Variants in C2CD2L observed in about 807,000 individuals in gnomAD.
The protein encoded by C2CD2L is phospholipid transfer protein C2CD2L.
C2CD2L carries 24 observed loss-of-function variants against 69.9 expected under a neutral mutation model. The observed-to-expected ratio is 0.34, with a 90% CI of 0.25 to 0.48. The LOEUF (loss-of-function observed/expected upper bound fraction) is 0.48, where lower values mean the gene tolerates loss of function less well. C2CD2L is among the 20% of genes least tolerant of loss of function. The pLI is 0.99. For missense variants in C2CD2L, 811 were observed against 941.5 expected, an observed-to-expected ratio of 0.86 and a Z score of 1.81; for synonymous variants, 367 against 391.0, an observed-to-expected ratio of 0.94 and a Z score of 0.72.
At position 119,107,660 on chromosome 11, in the gene C2CD2L, TCCCCGCGGCCCGCCCGGGCCATGCTC is replaced by T; in HGVS notation, c.-76_-51del. 2.3e-6 allele frequency: 2 copies of T among 883,576 alleles called. No homozygotes were observed. The highest frequency in any genetic ancestry group is 3.1e-6 in the Non-Finnish European group (2 of 644,846). 54.7% of individuals were successfully genotyped at this position (883,576 alleles called of 1,614,324 possible). On this transcript the variant is annotated 5_prime_UTR_variant, in exon 1 of 14. It removes an upstream start codon present in the reference 5' UTR. Coordinates refer to ENST00000648610, the MANE Select transcript of C2CD2L (RefSeq NM_001290474.2). The surrounding 1 kb of genome is among the most constrained non-coding windows in gnomAD (Gnocchi z 5.4). ...CCCAGCCCCGGGGGAGCCCACCTCC[TCCCCGCGGCCCGCCCGGGCCATGCTC>T]CCCCGGGGCAGCGGGTGAGCCCCAG...
intron 10 of C2CD2L, 193 bp downstream of exon 10, chr11:119,113,067 A>C: frequency 1.7e-6 from 1 of 604,954 alleles, no homozygotes; most frequent in Non-Finnish European, 2.9e-6. Context: ...CCATTTCCCC[A>C]GCAATTCCTC....
chr11:119,110,970 A>T lies in C2CD2L; in HGVS notation c.681+13A>T. 6.2e-7 allele frequency: 1 copy of T among 1,613,988 alleles called. No homozygotes were observed. The highest frequency in any genetic ancestry group is 8.5e-7 in the Non-Finnish European group (1 of 1,179,886). ...TCAGGCCAGGGAGGTAAGGAGGCAG[A>T]GCTGGCAGAGAAGAGGCAGAACGGG... On this transcript the variant is annotated intron_variant, in intron 4 of 13. Transcript: ENST00000648610. The surrounding 1 kb of genome is among the most constrained non-coding windows in gnomAD (Gnocchi z 5.7).
chr11:119,102,274 A>G (rs1186163310), upstream of C2CD2L: 1 of 477,606 alleles, frequency 2.1e-6, no homozygotes, highest in East Asian at 6.9e-5. Flanking sequence ...CGGCTCCAGG[A>G]AGATGGCTAT....
In C2CD2L at chr11:119,107,769, G is replaced by T. The variant is rs201351725; in HGVS notation, c.28G>T (p.Val10Leu). The change falls in exon 1 of 14, where the codon GTG (valine) becomes TTG (leucine). Residue 10 changes from valine (V) to leucine (L), a missense_variant. Transcript: ENST00000648610. The surrounding 1 kb of genome is among the most constrained non-coding windows in gnomAD (Gnocchi z 5.4). MDPGWGQRDVGWAALLILFA... is the reference protein window; with the variant it reads MDPGWGQRDLGWAALLILFA... ...GGATCCGGGCTGGGGGCAGCGGGAC[G>T]TGGGCTGGGCGGCCTTGCTGATCCT... The T allele has an allele frequency of 3.4e-5, 52 of 1,540,152 alleles. No homozygotes were observed. The African/African-American group carries it at 6.3e-4, about 19-fold the overall frequency.
At position 119,110,422 on chromosome 11, in the gene C2CD2L, CT is replaced by C; in HGVS notation, c.451-135del. ...AGGAGTCTTTGGCATTTATCTGATTCTTTTAGGGATTTATGATCCTGAAAAC... is the reference window on the plus strand; with the variant it reads ...AGGAGTCTTTGGCATTTATCTGATTCTTTAGGGATTTATGATCCTGAAAAC... On this transcript the variant is annotated intron_variant, in intron 2 of 13. Transcript: ENST00000648610. This position sits in a 1 kb window ranked among gnomAD's most constrained non-coding sequence, Gnocchi z 5.7. The C allele has an allele frequency of 9.5e-7, 1 of 1,056,866 alleles. No individual in the cohort carries two copies. The highest frequency in any genetic ancestry group is 1.3e-6 in the Non-Finnish European group (1 of 750,542). 65.5% of individuals were successfully genotyped at this position (1,056,866 alleles called of 1,614,324 possible).
In C2CD2L at chr11:119,112,464, T is replaced by C; in HGVS notation, c.1085-18T>C. 2 of 1,613,848 alleles carry C rather than the reference T, an allele frequency of 1.2e-6. No individual in the cohort carries two copies. Among genetic ancestry groups the C allele is most frequent in the Non-Finnish European group, 1.7e-6 (2 of 1,179,874 alleles). ...GTCTGGCCATGGGCCCAGCTCACAGTGCCATCCCTTTCCCCAGCCGAACTC... is the reference window on the plus strand; with the variant it reads ...GTCTGGCCATGGGCCCAGCTCACAGCGCCATCCCTTTCCCCAGCCGAACTC... On this transcript the variant is annotated intron_variant, in intron 8 of 13. Transcript: ENST00000648610.
chr11:119,116,244 C>G lies in C2CD2L; in HGVS notation c.2109C>G (p.Ser703Arg). ...AACCCAAGGCCAATGGTAACCCCAG[C>G]CCCCAGCTCTGAGGACCCAGCTCTG... ...KSKPKANGNPSPQL is the reference protein window; with the variant it reads ...KSKPKANGNPRPQL Residue 703 changes from serine to arginine, a missense_variant, in exon 14 of 14, where the codon AGC becomes AGG. By Grantham distance (110) the Ser-to-Arg change is moderately radical. Transcript: ENST00000648610. 3 of 1,613,392 alleles carry G rather than the reference C, an allele frequency of 1.9e-6. No homozygotes were observed. The highest frequency in any genetic ancestry group is 2.5e-6 in the Non-Finnish European group (3 of 1,179,310).
At position 119,110,012 on chromosome 11, in the gene C2CD2L, C is replaced by T. The variant is rs1001327979; in HGVS notation, c.355-92C>T. Reference sequence around the variant, plus strand: ...GAAGCCAGCCTGCAGCTGAGGCCTCCGCAGTGGCAGAGTCCAGCCAGCAAC... The same window carrying T: ...GAAGCCAGCCTGCAGCTGAGGCCTCTGCAGTGGCAGAGTCCAGCCAGCAAC... On this transcript the variant is annotated intron_variant, in intron 1 of 13. Coordinates refer to ENST00000648610, the MANE Select transcript of C2CD2L (RefSeq NM_001290474.2). The surrounding 1 kb of genome is among the most constrained non-coding windows in gnomAD (Gnocchi z 5.7). 29 of 907,150 alleles carry T rather than the reference C, an allele frequency of 3.2e-5. No individual in the cohort carries two copies. In the Admixed American group the frequency reaches 3.7e-4, roughly 11 times the overall value. The allele number at this position is 907,150 out of a possible 1,614,324, so 56.2% of individuals were successfully genotyped here. A position where few individuals can be genotyped will look rare whatever the true frequency, so the allele number is the denominator to read the frequency against.
chr11:119,114,434 G>C lies in C2CD2L; in HGVS notation c.1909+69G>C. The C allele has an allele frequency of 1.4e-6, 2 of 1,481,154 alleles. No homozygotes were observed. Among genetic ancestry groups the C allele is most frequent in the South Asian group, 2.4e-5 (2 of 81,966 alleles). 91.8% of individuals were successfully genotyped at this position (1,481,154 alleles called of 1,614,324 possible). ...CACATATCATGACCTGGGGGACCTCGAGCCAGTGTGCCTTCTCCTTCCTCC... is the reference window on the plus strand; with the variant it reads ...CACATATCATGACCTGGGGGACCTCCAGCCAGTGTGCCTTCTCCTTCCTCC... On this transcript the variant is annotated intron_variant, in intron 13 of 13. Coordinates refer to ENST00000648610, the MANE Select transcript of C2CD2L (RefSeq NM_001290474.2). This position sits in a 1 kb window ranked among gnomAD's most constrained non-coding sequence, Gnocchi z 5.1.
At chr11:119,113,250 C>T (rs1946797140) in intron 10 of C2CD2L, 1 of 389,350 alleles carries the variant, frequency 2.6e-6, no homozygotes, top group Admixed American at 4.2e-5. Flanking sequence ...CCAACAAACC[C>T]AGAGGCCTCT....
chr11:119,116,151 G>T lies in C2CD2L; in HGVS notation c.2016G>T (p.Thr672=), dbSNP rs1256685018. 3 of 1,614,092 alleles carry T rather than the reference G, an allele frequency of 1.9e-6. No homozygotes were observed. The highest frequency in any genetic ancestry group is 2.2e-5 in the South Asian group (2 of 91,084). The part of the protein sequence containing the change: ...SHDDLSNATA[T]PSVRKKAGSF... ...ATGACCTCTCCAACGCAACGGCCAC[G>T]CCCAGTGTCCGAAAGAAGGCCGGCA... Residue 672 remains threonine, a synonymous_variant, in exon 14 of 14, where the codon ACG becomes ACT. Coordinates refer to ENST00000648610, the MANE Select transcript of C2CD2L (RefSeq NM_001290474.2).
In C2CD2L at chr11:119,117,945, C is replaced by T. The variant is rs532184053; in HGVS notation, c.*1689C>T. On this transcript the variant is annotated 3_prime_UTR_variant, in exon 14 of 14. Transcript: ENST00000648610. ...TCCAGCCTTGACATTCTATGACTAC[C>T]TATATCTCAGGGTGTTTAGGGCACA... 1.3e-5 allele frequency: 2 copies of T among 152,294 alleles called. No individual in the cohort carries two copies. Among genetic ancestry groups the T allele is most frequent in the South Asian group, 4.1e-4 (2 of 4,820 alleles). 9.4% of individuals were successfully genotyped at this position (152,294 alleles called of 1,614,324 possible).
At position 119,114,559 on chromosome 11, in the gene C2CD2L, A is replaced by G. The variant is rs550871713; in HGVS notation, c.1909+194A>G. The G allele has an allele frequency of 4.3e-4, 260 of 602,574 alleles. No individual in the cohort carries two copies. The highest frequency in any genetic ancestry group is 9.5e-4 in the Admixed American group (32 of 33,724). The allele number at this position is 602,574 out of a possible 1,614,324, so 37.3% of individuals were successfully genotyped here. A position where few individuals can be genotyped will look rare whatever the true frequency, so the allele number is the denominator to read the frequency against. ...GGCCTAGATCTGACATGCTTGTGATAGGAAGGGATGCCAAATTATTTCCCT... is the reference window on the plus strand; with the variant it reads ...GGCCTAGATCTGACATGCTTGTGATGGGAAGGGATGCCAAATTATTTCCCT... On this transcript the variant is annotated intron_variant, in intron 13 of 13. Coordinates refer to ENST00000648610, the MANE Select transcript of C2CD2L (RefSeq NM_001290474.2). This position sits in a 1 kb window ranked among gnomAD's most constrained non-coding sequence, Gnocchi z 5.1.
chr11:119,107,900 C>T lies in C2CD2L; in HGVS notation c.159C>T (p.Ala53=), dbSNP rs1222624409. ...ACCGGGGCCCGGGACCCGCCTTAGCCGGGGAACCCGCGGGTTCCCTGCGGG... is the reference window on the plus strand; with the variant it reads ...ACCGGGGCCCGGGACCCGCCTTAGCTGGGGAACCCGCGGGTTCCCTGCGGG... The part of the protein sequence containing the change: ...RGDRGPGPAL[A]GEPAGSLREL... Residue 53 remains alanine, a synonymous_variant, in exon 1 of 14, where the codon GCC becomes GCT. Coordinates refer to ENST00000648610, the MANE Select transcript of C2CD2L (RefSeq NM_001290474.2). This position sits in a 1 kb window ranked among gnomAD's most constrained non-coding sequence, Gnocchi z 5.4. 1.4e-5 allele frequency: 21 copies of T among 1,525,058 alleles called. No individual in the cohort carries two copies. The highest frequency in any genetic ancestry group is 1.6e-5 in the Non-Finnish European group (18 of 1,143,084). The allele number at this position is 1,525,058 out of a possible 1,614,324, so 94.5% of individuals were successfully genotyped here. A position where few individuals can be genotyped will look rare whatever the true frequency, so the allele number is the denominator to read the frequency against.
At position 119,118,123 on chromosome 11, in the gene C2CD2L, G is replaced by A. The variant is rs1289217032; in HGVS notation, c.*1867G>A. 6.6e-6 allele frequency: 1 copy of A among 151,988 alleles called. No homozygotes were observed. Among genetic ancestry groups the A allele is most frequent in the African/African-American group, 2.4e-5 (1 of 41,346 alleles). The allele number at this position is 151,988 out of a possible 1,614,324, so 9.4% of individuals were successfully genotyped here. ...GTTTTATATATTTGGGGGGACAAGT[G>A]CAGGTTTCTTACATGCATATATTGC... On this transcript the variant is annotated 3_prime_UTR_variant, in exon 14 of 14. Transcript: ENST00000648610.
intron 6 of C2CD2L, 45 bp downstream of exon 6, chr11:119,111,419 T>G (rs1592239934): frequency 6.3e-7 from 1 of 1,599,410 alleles, no homozygotes; most frequent in Non-Finnish European, 8.6e-7. Flanking sequence ...CTATGGTTGG[T>G]TGCAGATGCT....
rs765686233 is a variant in C2CD2L at position 119,110,143 on chromosome 11, C to A, written c.394C>A (p.Pro132Thr). 1.2e-6 allele frequency: 2 copies of A among 1,613,918 alleles called. No individual in the cohort carries two copies. Among genetic ancestry groups the A allele is most frequent in the African/African-American group, 2.7e-5 (2 of 74,920 alleles). Residue 132 changes from proline to threonine, a missense_variant, in exon 2 of 14, where the codon CCA (proline) becomes ACA (threonine). Coordinates refer to ENST00000648610, the MANE Select transcript of C2CD2L (RefSeq NM_001290474.2). The surrounding 1 kb of genome is among the most constrained non-coding windows in gnomAD (Gnocchi z 5.7). ...QIAFEEVPQL[P>T]PRASISHVTC... Reference sequence around the variant, plus strand: ...CGCCTTTGAGGAGGTGCCCCAACTCCCACCCAGAGCCAGCATCAGTCATGT... The same window carrying A: ...CGCCTTTGAGGAGGTGCCCCAACTCACACCCAGAGCCAGCATCAGTCATGT...
At position 119,117,645 on chromosome 11, in the gene C2CD2L, A is replaced by G. The variant is rs1361352137; in HGVS notation, c.*1389A>G. ...GGGGAAGTCTTAGAAGTGTTTCAAC[A>G]TAATAAAAGCTCTCTCATTCTGAAA... On this transcript the variant is annotated 3_prime_UTR_variant, in exon 14 of 14. Transcript: ENST00000648610. The G allele has an allele frequency of 6.6e-6, 1 of 152,226 alleles. No individual in the cohort carries two copies. Among genetic ancestry groups the G allele is most frequent in the African/African-American group, 2.4e-5 (1 of 41,446 alleles). 9.4% of individuals were successfully genotyped at this position (152,226 alleles called of 1,614,324 possible).
rs1201104345 is a variant in C2CD2L at position 119,111,536 on chromosome 11, G to A, written c.926G>A (p.Cys309Tyr). 2 of 1,614,056 alleles carry A rather than the reference G, an allele frequency of 1.2e-6. No individual in the cohort carries two copies. The highest frequency in any genetic ancestry group is 2.7e-5 in the African/African-American group (2 of 74,942). Residue 309 changes from cysteine (C) to tyrosine (Y), a missense_variant, in exon 7 of 14, where the codon TGC (cysteine) becomes TAC (tyrosine). Coordinates refer to ENST00000648610, the MANE Select transcript of C2CD2L (RefSeq NM_001290474.2). ...GNELEGTEEL[C>Y]CVAELDNPMQ... ...TTCATCACAGGCACCGAGGAACTGT[G>A]CTGTGTAGCTGAACTCGACAACCCC...
Sources: allele counts gnomAD v4.1 joint callset, GRCh38; gene constraint gnomAD v4.1.1; non-coding constraint Gnocchi (gnomAD v3.1); transcripts MANE v1.5; gene names NCBI Gene and HGNC (gene_info 2026-07-23, HGNC 2026-07-21).